PFKFB4: variants seen among roughly 807,000 people sequenced by gnomAD.
The protein encoded by PFKFB4 is 6-phosphofructo-2-kinase/fructose-2,6-bisphosphatase 4.
Under a neutral mutation model 62.8 loss-of-function variants are expected in PFKFB4, and 42 were observed. The ratio of observed to expected loss-of-function variants is 0.67; its 90% CI spans 0.52 to 0.86. PFKFB4 has a LOEUF of 0.86. Among genes scored for constraint, PFKFB4 ranks in the 40% least tolerant of loss-of-function variants. The pLI, the probability that PFKFB4 is intolerant of heterozygous loss-of-function variation, is 0.00. For missense variants in PFKFB4, 475 were observed against 627.2 expected, an observed-to-expected ratio of 0.76 and a Z score of 2.59; for synonymous variants, 204 against 240.7, an observed-to-expected ratio of 0.85 and a Z score of 1.41.
At chr3:48,549,836 T>TC (rs2043076934) in intron 3 of PFKFB4, 28 bp downstream of exon 3, 1 of 1,395,342 alleles carries the variant, frequency 7.2e-7, no homozygotes. Context: ...CAGCAACCTC[T>TC]CCCCCCACAC....
rs747899976 is a variant in PFKFB4, at chr3:48,549,912, G to C, written c.263C>G (p.Ser88Cys). Reference protein sequence around the residue: ...YRRDVVKTYKSFEFFLPDNEE... With the variant: ...YRRDVVKTYKCFEFFLPDNEE... ...ATTGTCGGGGAGAAAAAATTCAAAAGATTTGTAGGTCTTGACCACGTCCCG... is the reference window on the plus strand; with the variant it reads ...ATTGTCGGGGAGAAAAAATTCAAAACATTTGTAGGTCTTGACCACGTCCCG... Residue 88 changes from serine to cysteine, a missense_variant, in exon 3 of 14, where the codon TCT becomes TGT. Coordinates refer to ENST00000232375, the MANE Select transcript of PFKFB4 (RefSeq NM_004567.4). 6.2e-6 allele frequency: 10 copies of C among 1,613,820 alleles called. No homozygotes were observed. Among genetic ancestry groups the C allele is most frequent in the Non-Finnish European group, 7.6e-6 (9 of 1,179,724 alleles).
Position 48,521,952 on chromosome 3 carries a change from C to T in PFKFB4, c.1350+34G>A, listed in dbSNP as rs771720136. On this transcript the variant is annotated intron_variant, in intron 13 of 13. Coordinates refer to ENST00000232375, the MANE Select transcript of PFKFB4 (RefSeq NM_004567.4). The surrounding 1 kb of genome is among the most constrained non-coding windows in gnomAD (Gnocchi z 5.3). ...AGTCTGGACACCCCCACATCAGGAA[C>T]ACCCCGCTACCCCAGCAGTGACCCC... is the stretch of plus-strand genomic sequence containing the variant. The T allele has an allele frequency of 2.0e-4, 323 of 1,590,178 alleles. No homozygotes were observed. The highest frequency in any genetic ancestry group is 2.7e-4 in the Non-Finnish European group (318 of 1,158,284).
At chr3:48,533,152 C>A (rs2042481485) in intron 9 of PFKFB4, among the ~76,000 whole-genome samples, 1 of 152,148 alleles carries the variant, frequency 6.6e-6, no homozygotes, top group Non-Finnish European at 1.5e-5. Flanking sequence ...TGGGCTCAAG[C>A]AATCCTCCCA....
chr3:48,547,146 T>C (rs1457807250), intron 3 of PFKFB4, among the ~76,000 whole-genome samples: 1 of 152,180 alleles, frequency 6.6e-6, no homozygotes, highest in African/African-American at 2.4e-5. Flanking sequence ...TGCTCAGGTG[T>C]GTGTGTATAT....
At chr3:48,560,773 G>T (rs2043419706), upstream of PFKFB4, among the ~76,000 whole-genome samples, 1 of 152,238 alleles carries the variant, frequency 6.6e-6, no homozygotes, top group Admixed American at 6.5e-5. Context: ...TTGGAGGCCA[G>T]CAAAGAGCAG....
chr3:48,539,920 T>A, intron 4 of PFKFB4, 149 bp from the exon 5 acceptor site: 1 of 662,936 alleles, frequency 1.5e-6, no homozygotes. Flanking sequence ...TCCACCTGCC[T>A]GGCCAGTCTC....
intron 7 of PFKFB4, chr3:48,536,774 G>A (rs1191212715): frequency 8.2e-6 from 3 of 365,262 alleles, no homozygotes; most frequent in Non-Finnish European, 1.0e-5. Flanking sequence ...CTGCTCATGT[G>A]TCCCTGGGGC....
At position 48,521,970 on chromosome 3, in the gene PFKFB4, G is replaced by A. The variant is rs755721034; in HGVS notation, c.1350+16C>T. ...TCAGGAACACCCCGCTACCCCAGCA[G>A]TGACCCCATTGCTACCTGAGGCCTG... On this transcript the variant is annotated intron_variant, in intron 13 of 13. Transcript: ENST00000232375. This position sits in a 1 kb window ranked among gnomAD's most constrained non-coding sequence, Gnocchi z 5.3. 1.2e-6 allele frequency: 2 copies of A among 1,608,594 alleles called. No individual in the cohort carries two copies. The highest frequency in any genetic ancestry group is 4.5e-5 in the East Asian group (2 of 44,848).
rs1439730454 is a variant in PFKFB4, at chr3:48,519,737, A to C, written c.*10T>G. 2 of 1,609,580 alleles carry C rather than the reference A, an allele frequency of 1.2e-6. No individual in the cohort carries two copies. Among genetic ancestry groups the C allele is most frequent in the Non-Finnish European group, 1.7e-6 (2 of 1,176,366 alleles). ...AGTGCCTGCCTAGTGGTCACAGTGG[A>C]TGAACATGGTCACTGGTGAGCAGGC... On this transcript the variant is annotated 3_prime_UTR_variant, in exon 14 of 14. Transcript: ENST00000232375.
At chr3:48,547,862 A>C (rs545194761) in intron 3 of PFKFB4, 2 of 152,356 alleles carry the variant, frequency 1.3e-5, no homozygotes, top group South Asian at 4.1e-4. Flanking sequence ...TGGGAAATGC[A>C]GCTGTCTCTT....
Position 48,535,612 on chromosome 3 carries a change from T to C in PFKFB4, c.887A>G (p.Asp296Gly). ...AQFISDQNIK[D>G]LKVWTSQMKR... ...CATCTGGCTTGTCCAGACCTTCAGA[T>C]CCTTGATATTTTGGTCACTGATGAA... The change falls in exon 9 of 14, where the codon GAT becomes GGT. Residue 296 changes from aspartate (D) to glycine (G), a missense_variant. By Grantham distance (94) the Asp-to-Gly change is moderately conservative. Coordinates refer to ENST00000232375, the MANE Select transcript of PFKFB4 (RefSeq NM_004567.4). 1.2e-6 allele frequency: 2 copies of C among 1,614,066 alleles called. No individual in the cohort carries two copies. Among genetic ancestry groups the C allele is most frequent in the Non-Finnish European group, 1.7e-6 (2 of 1,179,972 alleles).
At chr3:48,557,028 G>A (rs1200964173), upstream of PFKFB4, 2 of 1,250,598 alleles carry the variant, frequency 1.6e-6, no homozygotes, top group Non-Finnish European at 2.1e-6. Context: ...TTCAGGCCAG[G>A]ATCGAGAATG....
intron 9 of PFKFB4, chr3:48,525,895 A>T: frequency 2.7e-6 from 1 of 370,036 alleles, no homozygotes; most frequent in Non-Finnish European, 4.9e-6. Flanking sequence ...CCTATCCATC[A>T]CCCATCCAAT....
chr3:48,529,049 T>A (rs1427894243), intron 9 of PFKFB4, among the ~76,000 whole-genome samples: 3 of 152,014 alleles, frequency 2.0e-5, no homozygotes, highest in African/African-American at 7.3e-5. Context: ...ATTTATTTAT[T>A]TTTTTAGAGA....
chr3:48,557,464 T>C (rs1158682036), upstream of PFKFB4, among the ~76,000 whole-genome samples: 1 of 152,174 alleles, frequency 6.6e-6, no homozygotes, highest in East Asian at 1.9e-4. Context: ...CTCTTTTACC[T>C]CATGGATAGA....
intron 7 of PFKFB4, among the ~76,000 whole-genome samples, chr3:48,538,117 C>A (rs1330834410): frequency 6.6e-6 from 1 of 152,178 alleles, no homozygotes; most frequent in African/African-American, 2.4e-5. Flanking sequence ...ATCTATGTTT[C>A]ATTTGTACTG....
rs2042000636 is a variant in PFKFB4 at position 48,518,915 on chromosome 3, G to A, written c.*832C>T. ...CGGCAGCCTCTCCCTCGAGCACTTC[G>A]GTGTGTGCACCAGGAAGGTAACTTC... On this transcript the variant is annotated 3_prime_UTR_variant, in exon 14 of 14. Transcript: ENST00000232375. 1 of 152,188 alleles carries A rather than the reference G, an allele frequency of 6.6e-6. No homozygotes were observed. The highest frequency in any genetic ancestry group is 2.1e-4 in the South Asian group (1 of 4,830). 9.4% of individuals were successfully genotyped at this position (152,188 alleles called of 1,614,324 possible).
chr3:48,556,604 G>T lies in PFKFB4; in HGVS notation c.97+77C>A. 5 of 1,424,930 alleles carry T rather than the reference G, an allele frequency of 3.5e-6. No homozygotes were observed. The highest frequency in any genetic ancestry group is 4.8e-6 in the Non-Finnish European group (5 of 1,051,830). 88.3% of individuals were successfully genotyped at this position (1,424,930 alleles called of 1,614,324 possible). A position where few individuals can be genotyped will look rare whatever the true frequency, so the allele number is the denominator to read the frequency against. ...CATCTGTCTCCCGCCCCTTCTCCAT[G>T]CGAGACCCCCGCCCAGGCCGCCCTA... On this transcript the variant is annotated intron_variant, in intron 1 of 13. Coordinates refer to ENST00000232375, the MANE Select transcript of PFKFB4 (RefSeq NM_004567.4). This position sits in a 1 kb window ranked among gnomAD's most constrained non-coding sequence, Gnocchi z 5.7.
In PFKFB4 at chr3:48,518,000, G is replaced by A. The variant is rs758146895; in HGVS notation, c.*1747C>T. On this transcript the variant is annotated 3_prime_UTR_variant, in exon 14 of 14. Transcript: ENST00000232375. ...TACACAGAGAGAAAAGGCCTCGGTG[G>A]TCTCACCTCAGATGACATCCAGAGG... is the stretch of plus-strand genomic sequence containing the variant. 1.3e-5 allele frequency: 2 copies of A among 152,308 alleles called. No homozygotes were observed. Among genetic ancestry groups the A allele is most frequent in the African/African-American group, 2.4e-5 (1 of 41,476 alleles). The allele number at this position is 152,308 out of a possible 1,614,324, so 9.4% of individuals were successfully genotyped here. A position where few individuals can be genotyped will look rare whatever the true frequency, so the allele number is the denominator to read the frequency against.
Sources: gnomAD v4.1 joint callset for allele counts (sites outside exome capture counted in the v4.1 genomes callset) on GRCh38, gnomAD v4.1.1 for gene constraint, Gnocchi (gnomAD v3.1) non-coding constraint, MANE v1.5 for transcripts, NCBI Gene and HGNC (gene_info 2026-07-23, HGNC 2026-07-21) for gene names.